The following NEB variants were observed in gnomAD, a reference collection of about 807,000 sequenced individuals.
NEB encodes the protein nebulin.
In NEB, 512 loss-of-function variants were observed where a neutral mutation model predicts 952.2. The ratio of observed to expected loss-of-function variants is 0.54; its 90% CI spans 0.50 to 0.58. The LOEUF is 0.58. Among genes scored for constraint, NEB ranks in the 20% least tolerant of loss-of-function variants. NEB has a pLI of 0.00. For synonymous variants in NEB, 2,900 were observed against 3,149.8 expected (o/e 0.92, Z 2.66); for missense variants, 8,428 against 9,231.1 (o/e 0.91, Z 3.56).
chr2:151,674,828 G>T (rs2099346565), intron 35 of NEB, among the ~76,000 whole-genome samples: 1 of 152,132 alleles, frequency 6.6e-6, no homozygotes, highest in Admixed American at 6.5e-5. Context: ...TGGATCCAGA[G>T]AAAAACAAAT....
chr2:151,710,484 G>T lies in NEB; in HGVS notation c.877C>A (p.Pro293Thr). The T allele has an allele frequency of 6.2e-7, 1 of 1,612,126 alleles. No homozygotes were observed. The highest frequency in any genetic ancestry group is 1.1e-5 in the South Asian group (1 of 90,834). ...CTGGCATTTGCAACTTCAAAGCAAG[G>T]TGTCTCACTCCATTTGCCTTTGATT... is the stretch of plus-strand genomic sequence containing the variant. ...NKIKGKWSET[P>T]CFEVANARMN... The change falls in exon 11 of 182, where the codon CCT becomes ACT. Residue 293 changes from proline to threonine, a missense_variant. Physicochemically the swap from Pro to Thr is conservative, Grantham distance 38. Coordinates refer to ENST00000397345, the MANE Select transcript of NEB (RefSeq NM_001164508.2).
rs1312473899 is a variant in NEB, at chr2:151,693,670, T to A, written c.1896+653A>T. ...TTTTCTTTATACAATCTATCGTTGT[T>A]GATTCCTTGTCTTTGCTATTGTGAA... On this transcript the variant is annotated intron_variant, in intron 20 of 181. Transcript: ENST00000397345. Among the ~76,000 whole-genome samples the A allele has an allele frequency of 2.0e-5, 3 of 152,238 alleles. No individual in the cohort carries two copies. The East Asian group carries it at 5.8e-4, about 29-fold the overall frequency.
chr2:151,679,627 A>T, intron 32 of NEB, 94 bp downstream of exon 32: 1 of 765,662 alleles, frequency 1.3e-6, no homozygotes, highest in Non-Finnish European at 2.2e-6. Context: ...CCAATTGGGG[A>T]CTGCATGCAT....
intron 130 of NEB, 98 bp downstream of exon 130, chr2:151,549,538 T>C: frequency 1.2e-6 from 1 of 816,790 alleles, no homozygotes; most frequent in South Asian, 1.5e-5. Context: ...GGTTGAACCT[T>C]GAGGGTGAGA....
At chr2:151,685,006 C>A in intron 27 of NEB, 31 bp from the exon 28 acceptor site, 1 of 1,525,780 alleles carries the variant, frequency 6.6e-7, no homozygotes, top group South Asian at 1.2e-5. Context: ...TTTATTATCA[C>A]AAATCCTCGA....
chr2:151,697,018 C>A, intron 16 of NEB, 130 bp downstream of exon 16: 1 of 697,816 alleles, frequency 1.4e-6, no homozygotes. Flanking sequence ...ATGTTTACTA[C>A]AAAATAGACT....
rs2099602935 is a variant in NEB, at chr2:151,697,234, A to C, written c.1384T>G (p.Tyr462Asp). ...QNSDKNYKAE[Y>D]EEDRGKGFFP... Reference sequence around the variant, plus strand: ...AAGCCTTTGCCTCTGTCTTCTTCGTATTCTGCTTTGTAGTTTTTCTATGAG... The same window carrying C: ...AAGCCTTTGCCTCTGTCTTCTTCGTCTTCTGCTTTGTAGTTTTTCTATGAG... The change falls in exon 16 of 182, where the codon TAC (tyrosine) becomes GAC (aspartate). Residue 462 changes from tyrosine to aspartate, a missense_variant. This residue lies in a region of NEB where 2,851 missense variants were observed against 2,791.5 expected (regional missense o/e 1.02). Coordinates refer to ENST00000397345, the MANE Select transcript of NEB (RefSeq NM_001164508.2). The C allele has an allele frequency of 1.2e-6, 2 of 1,613,894 alleles. No homozygotes were observed. The highest frequency in any genetic ancestry group is 1.7e-5 in the Admixed American group (1 of 60,032).
intron 70 of NEB, 100 bp downstream of exon 70, chr2:151,626,902 G>A: frequency 2.2e-6 from 3 of 1,391,204 alleles, no homozygotes; most frequent in South Asian, 2.6e-5. Context: ...ACATTGGATA[G>A]CAATTTAATT....
At chr2:151,678,208 C>T (rs1337096595) in intron 32 of NEB, 21 bp from the exon 33 acceptor site, 2 of 1,498,064 alleles carry the variant, frequency 1.3e-6, no homozygotes, top group East Asian at 4.6e-5. Context: ...CAAAGGTGGG[C>T]ATAATTTAAA....
Position 151,620,971 on chromosome 2 carries a change from C to T in NEB, c.10508G>A (p.Ser3503Asn). ...EAKKEGYDLR[S>N]DAIPIVAAKA... ...GGCAGCCACAATGGGAATGGCATCA[C>T]TTCTCAAGTCATAGCCTTCTTTCTT... Residue 3503 changes from serine to asparagine, a missense_variant, in exon 72 of 182, where the codon AGT becomes AAT. Physicochemically the swap from Ser to Asn is conservative, Grantham distance 46. Coordinates refer to ENST00000397345, the MANE Select transcript of NEB (RefSeq NM_001164508.2). The T allele has an allele frequency of 1.2e-6, 2 of 1,613,136 alleles. No homozygotes were observed. The highest frequency in any genetic ancestry group is 1.7e-6 in the Non-Finnish European group (2 of 1,179,568).
chr2:151,645,148 C>G (rs2098939030), intron 55 of NEB, among the ~76,000 whole-genome samples: 1 of 152,162 alleles, frequency 6.6e-6, no homozygotes, highest in Non-Finnish European at 1.5e-5. Flanking sequence ...TCTATACTTG[C>G]AAGAATCAGG....
In NEB at chr2:151,678,071, C is replaced by T. The variant is rs779300537; in HGVS notation, c.3372G>A (p.Arg1124=). The change falls in exon 33 of 182, where the codon CGG becomes CGA. Residue 1124 remains arginine (R), a synonymous_variant. Transcript: ENST00000397345. The part of the protein sequence containing the change: ...YMNVAKIQSD[R]EYKKDYEKTK... ...TCTTCTCATAGTCTTTTTTATACTC[C>T]CGATCTGATTGTATCTTGGCCACGT... is the stretch of plus-strand genomic sequence containing the variant. 5 of 1,613,730 alleles carry T rather than the reference C, an allele frequency of 3.1e-6. No individual in the cohort carries two copies. Among genetic ancestry groups the T allele is most frequent in the Non-Finnish European group, 4.2e-6 (5 of 1,179,832 alleles).
intron 20 of NEB, 43 bp from the exon 21 acceptor site, chr2:151,692,405 A>G: frequency 7.1e-7 from 1 of 1,411,486 alleles, no homozygotes; most frequent in Non-Finnish European, 9.9e-7. Flanking sequence ...AAAGAAATAT[A>G]TATCTCATAA....
intron 4 of NEB, among the ~76,000 whole-genome samples, chr2:151,728,949 T>TA (rs1207907946): frequency 6.6e-6 from 1 of 152,176 alleles, no homozygotes; most frequent in African/African-American, 2.4e-5. Flanking sequence ...TACTAGTTTT[T>TA]ATGCAGTCAC....
In NEB at chr2:151,684,973, G is replaced by A. The variant is rs114959904; in HGVS notation, c.2640C>T (p.Arg880=). 1,266 of 1,596,906 alleles carry A rather than the reference G, an allele frequency of 7.9e-4. 7 individuals are homozygous for A. The African/African-American group carries it at 0.014, about 17-fold the overall frequency. The change falls in exon 28 of 182, where the codon CGC becomes CGT. Residue 880 remains arginine, a splice_region_variant and synonymous_variant. Transcript: ENST00000397345. ...ACTTTTCATAATCTTTTCGATATTC[G>A]CGCTGTGAATAGGAAATTATCATTT... ...SLKTAKNQSD[R]EYRKDYEKSK... is the part of the protein sequence containing the mutation.
chr2:151,514,086 T>C (rs970709858), intron 159 of NEB, among the ~76,000 whole-genome samples: 3 of 152,200 alleles, frequency 2.0e-5, no homozygotes, highest in Admixed American at 2.0e-4. Context: ...CAAATAATAT[T>C]AGATAATAGA....
rs777692972 is a variant in NEB at position 151,610,561 on chromosome 2, A to G, written c.11973T>C (p.Ala3991=). 1 of 1,613,874 alleles carries G rather than the reference A, an allele frequency of 6.2e-7. No homozygotes were observed. Among genetic ancestry groups the G allele is most frequent in the Non-Finnish European group, 8.5e-7 (1 of 1,179,754 alleles). The change falls in exon 80 of 182, where the codon GCT becomes GCC. Residue 3991 remains alanine (A), a synonymous_variant. Coordinates refer to ENST00000397345, the MANE Select transcript of NEB (RefSeq NM_001164508.2). The stretch of plus-strand genomic sequence containing the variant: ...AGGCCTTGGCACTTTTGATGGAAAT[A>G]GCATCTGCTCTCAGATCATAGTCCT... ...KMKDYDLRAD[A]ISIKSAKASR...
intron 170 of NEB, 56 bp downstream of exon 170, chr2:151,498,199 TGTAAA>T: frequency 6.5e-7 from 1 of 1,548,800 alleles, no homozygotes; most frequent in Non-Finnish European, 8.7e-7. Flanking sequence ...AATAAATAAA[TGTAAA>T]GATCAGTTTA....
intron 17 of NEB, among the ~76,000 whole-genome samples, chr2:151,696,234 C>T (rs532351026): frequency 1.3e-5 from 2 of 152,276 alleles, no homozygotes; most frequent in South Asian, 2.1e-4. Flanking sequence ...TGAATACCTG[C>T]TGTTGGCCAG....
Sources: allele counts gnomAD v4.1 joint callset (sites outside exome capture counted in the v4.1 genomes callset), GRCh38; gene constraint gnomAD v4.1.1; regional missense constraint gnomAD v4.1.1; transcripts MANE v1.5; gene names NCBI Gene and HGNC (gene_info 2026-07-23, HGNC 2026-07-21).